Variants in KCNMA1 observed in about 807,000 individuals in gnomAD.
KCNMA1 encodes potassium calcium-activated channel subfamily M alpha 1, also known as Calcium-activated potassium channel subunit alpha-1.
In KCNMA1, 29 loss-of-function variants were observed where a neutral mutation model predicts 140.0. That is an observed-to-expected ratio of 0.21 (90% confidence interval 0.15 to 0.28). The LOEUF (loss-of-function observed/expected upper bound fraction) is 0.28, where lower values mean the gene tolerates loss of function less well. Ranked by LOEUF, KCNMA1 falls within the 10% of genes least tolerant of loss-of-function variation. The pLI is 1.00. For missense variants in KCNMA1, 880 were observed against 1,602.2 expected (o/e 0.55, Z 7.70); for synonymous variants, 612 against 611.9 (o/e 1.00, Z 0.00).
chr10:77,307,691 C>T (rs967405278), intron 2 of KCNMA1, among the ~76,000 whole-genome samples: 30 of 152,194 alleles, frequency 2.0e-4, no homozygotes, highest in Non-Finnish European at 4.0e-4. Flanking sequence ...GGACTACAGG[C>T]GCGCACCACC....
chr10:77,533,893 C>T (rs2058282838), intron 1 of KCNMA1, among the ~76,000 whole-genome samples: 1 of 152,196 alleles, frequency 6.6e-6, no homozygotes, highest in African/African-American at 2.4e-5. Flanking sequence ...AAAAGGTACT[C>T]ATTTGTCTTA....
At chr10:77,200,599 CTG>C (rs973441508) in intron 3 of KCNMA1, among the ~76,000 whole-genome samples, 11 of 151,662 alleles carry the variant, frequency 7.3e-5, no homozygotes, top group Admixed American at 5.9e-4. Context: ...TTGCAGGAAT[CTG>C]TGTCATGAAG....
At chr10:76,917,017 C>G (rs2053227000) in intron 23 of KCNMA1, among the ~76,000 whole-genome samples, 1 of 152,126 alleles carries the variant, frequency 6.6e-6, no homozygotes, top group African/African-American at 2.4e-5. Context: ...ATTGTAGTGT[C>G]CATCTTTTCA....
chr10:77,547,106 G>A (rs1026022216), intron 1 of KCNMA1, among the ~76,000 whole-genome samples: 1 of 152,152 alleles, frequency 6.6e-6, no homozygotes, highest in African/African-American at 2.4e-5. Flanking sequence ...CAGAACAGAG[G>A]AAGAAAACTC....
chr10:77,057,585 T>C (rs1410404080), intron 14 of KCNMA1, among the ~76,000 whole-genome samples: 1 of 152,042 alleles, frequency 6.6e-6, no homozygotes, highest in Non-Finnish European at 1.5e-5. Flanking sequence ...TAATACATAA[T>C]ACAACTATAA....
At chr10:76,998,908 T>C (rs1779291234) in intron 19 of KCNMA1, among the ~76,000 whole-genome samples, 2 of 152,148 alleles carry the variant, frequency 1.3e-5, no homozygotes, top group South Asian at 4.1e-4. Flanking sequence ...TGGTCAAAGG[T>C]GAGTGGTCTC....
At chr10:77,195,277 C>T (rs1253400642) in intron 3 of KCNMA1, among the ~76,000 whole-genome samples, 8 of 152,094 alleles carry the variant, frequency 5.3e-5, no homozygotes, top group African/African-American at 1.2e-4. Context: ...ACAGCCAAAA[C>T]GGAGTGTCTG....
At chr10:77,406,151 C>A (rs528259537) in intron 1 of KCNMA1, among the ~76,000 whole-genome samples, 5 of 152,294 alleles carry the variant, frequency 3.3e-5, no homozygotes, top group East Asian at 3.9e-4. Flanking sequence ...CCCAGGCCAG[C>A]CTCAGATAGG....
chr10:76,970,776 C>T (rs889828091), intron 19 of KCNMA1: 1 of 152,598 alleles, frequency 6.6e-6, no homozygotes, highest in South Asian at 2.1e-4. Context: ...AGGAGAGCCC[C>T]GGAATGAAGG....
intron 1 of KCNMA1, among the ~76,000 whole-genome samples, chr10:77,432,349 C>A (rs1030523716): frequency 2.6e-5 from 4 of 152,206 alleles, no homozygotes; most frequent in African/African-American, 9.7e-5. Flanking sequence ...CTCTGTTATG[C>A]TCTTCGTAAA....
intron 2 of KCNMA1, among the ~76,000 whole-genome samples, chr10:77,289,964 A>T (rs2072586266): frequency 6.6e-6 from 1 of 152,204 alleles, no homozygotes. Context: ...GATTCTCCTT[A>T]TTTGACATTC....
chr10:77,470,564 C>T (rs940817551), intron 1 of KCNMA1, among the ~76,000 whole-genome samples: 1 of 152,190 alleles, frequency 6.6e-6, no homozygotes, highest in African/African-American at 2.4e-5. Flanking sequence ...GGGTGCTCTT[C>T]AGTGGAGAAG....
At chr10:77,155,664 CG>C (rs1564867544) in intron 5 of KCNMA1, among the ~76,000 whole-genome samples, 1 of 152,020 alleles carries the variant, frequency 6.6e-6, no homozygotes, top group Non-Finnish European at 1.5e-5. Flanking sequence ...CCCATGGAAA[CG>C]GTTCCTCCAC....
At chr10:77,036,307 C>A (rs2094327448) in intron 15 of KCNMA1, among the ~76,000 whole-genome samples, 1 of 152,046 alleles carries the variant, frequency 6.6e-6, no homozygotes, top group South Asian at 2.1e-4. Flanking sequence ...GACCTTCTGC[C>A]CCCACTGCCT....
intron 2 of KCNMA1, among the ~76,000 whole-genome samples, chr10:77,341,300 A>G (rs1005039381): frequency 1.3e-5 from 2 of 152,120 alleles, no homozygotes; most frequent in Non-Finnish European, 2.9e-5. Context: ...ATAATTTTCC[A>G]CTTTCCCTTT....
chr10:77,626,451 T>C (rs1181388173), intron 1 of KCNMA1, among the ~76,000 whole-genome samples: 1 of 152,204 alleles, frequency 6.6e-6, no homozygotes, highest in Non-Finnish European at 1.5e-5. Context: ...TGCCAGCTAA[T>C]GTTGGTCATA....
chr10:77,598,678 G>A (rs563048460), intron 1 of KCNMA1, among the ~76,000 whole-genome samples: 1 of 152,328 alleles, frequency 6.6e-6, no homozygotes, highest in Admixed American at 6.5e-5. Context: ...GAGGGGAGGG[G>A]AGACAACGCA....
chr10:77,389,909 G>A (rs1447925729), intron 2 of KCNMA1, among the ~76,000 whole-genome samples: 1 of 152,158 alleles, frequency 6.6e-6, no homozygotes, highest in African/African-American at 2.4e-5. Flanking sequence ...ACTTCAAATG[G>A]AGGCAAAACC....
rs1190626395 is a variant in KCNMA1 at position 77,001,521 on chromosome 10, C to T, written c.2152G>A (p.Glu718Lys). 2 of 1,552,042 alleles carry T rather than the reference C, an allele frequency of 1.3e-6. No homozygotes were observed. Among genetic ancestry groups the T allele is most frequent in the African/African-American group, 2.7e-5 (2 of 73,062 alleles). Residue 718 changes from glutamate (E) to lysine (K), a missense_variant, in exon 19 of 28, where the codon GAG (glutamate) becomes AAG (lysine). This residue lies in a region of KCNMA1 where 196 missense variants were observed against 233.0 expected (regional missense o/e 0.84). Coordinates refer to ENST00000286628, the MANE Select transcript of KCNMA1 (RefSeq NM_001161352.2). ...CCTGACATGCATGAGCAGTCACGCT[C>T]AGAACGTCCGCAATCAAAACAACAT... ...RACCFDCGRS[E>K]RDCSCMSGRV...
Sources: allele counts gnomAD v4.1 joint callset (sites outside exome capture counted in the v4.1 genomes callset), GRCh38; gene constraint gnomAD v4.1.1; regional missense constraint gnomAD v4.1.1; transcripts MANE v1.5; gene names NCBI Gene and HGNC (gene_info 2026-07-23, HGNC 2026-07-21).